The following CALN1 variants were observed in gnomAD, a reference collection of about 807,000 sequenced individuals.
The protein encoded by CALN1 is calneuron 1.
In CALN1, 17 loss-of-function variants were observed where a neutral mutation model predicts 30.6. The observed-to-expected ratio is 0.56, with a 90% CI of 0.38 to 0.83. The LOEUF (loss-of-function observed/expected upper bound fraction) is 0.83. Ranked by LOEUF, CALN1 falls within the 40% of genes least tolerant of loss-of-function variation. The pLI, the probability that CALN1 is intolerant of heterozygous loss-of-function variation, is 0.00. For synonymous variants in CALN1, 156 were observed against 131.4 expected, an observed-to-expected ratio of 1.19 and a Z score of -1.28; for missense variants, 291 against 354.9, an observed-to-expected ratio of 0.82 and a Z score of 1.45.
chr7:72,101,295 T>C (rs926618583), intron 4 of CALN1, among the ~76,000 whole-genome samples: 1 of 152,202 alleles, frequency 6.6e-6, no homozygotes, highest in Non-Finnish European at 1.5e-5. Flanking sequence ...CAAAGCCTTC[T>C]TAGTTCCAGA....
At chr7:71,946,699 C>T (rs530500675) in intron 5 of CALN1, among the ~76,000 whole-genome samples, 1 of 151,980 alleles carries the variant, frequency 6.6e-6, no homozygotes, top group Non-Finnish European at 1.5e-5. Context: ...CATTTTCCCA[C>T]ATCTGTCATG....
At chr7:71,939,537 C>A (rs1796015736) in intron 5 of CALN1, among the ~76,000 whole-genome samples, 1 of 150,382 alleles carries the variant, frequency 6.6e-6, no homozygotes, top group African/African-American at 2.4e-5. Context: ...CGTGCCATTG[C>A]ACTTCAGCCT....
chr7:72,333,032 CT>C (rs1484979910), intron 2 of CALN1, among the ~76,000 whole-genome samples: 1 of 152,180 alleles, frequency 6.6e-6, no homozygotes, highest in Non-Finnish European at 1.5e-5. Flanking sequence ...TCTTTTGTAC[CT>C]CCCTGTCTCA....
At chr7:72,421,341 G>A (rs1311226087) in intron 1 of CALN1, among the ~76,000 whole-genome samples, 2 of 152,012 alleles carry the variant, frequency 1.3e-5, no homozygotes, top group Non-Finnish European at 2.9e-5. Flanking sequence ...GCTTAGCTAT[G>A]AGTGAAATAA....
intron 5 of CALN1, among the ~76,000 whole-genome samples, chr7:71,826,137 C>T (rs1788902652): frequency 6.6e-6 from 1 of 151,660 alleles, no homozygotes; most frequent in Non-Finnish European, 1.5e-5. Context: ...CACATCTTGC[C>T]TCATTGGTAT....
intron 2 of CALN1, among the ~76,000 whole-genome samples, chr7:72,335,002 G>C (rs988641903): frequency 1.3e-5 from 2 of 152,130 alleles, no homozygotes; most frequent in African/African-American, 4.8e-5. Context: ...ACTGCCGGGG[G>C]AACTAGCAAA....
intron 3 of CALN1, among the ~76,000 whole-genome samples, chr7:72,215,804 T>C (rs1400662667): frequency 6.6e-6 from 1 of 152,108 alleles, no homozygotes; most frequent in Non-Finnish European, 1.5e-5. Context: ...TCACTCAGTG[T>C]TGAGCCACAG....
the CALN1 span, among the ~76,000 whole-genome samples, chr7:72,452,807 C>G: frequency 6.6e-6 from 1 of 152,024 alleles, no homozygotes; most frequent in Admixed American, 6.6e-5. Context: ...TCAAAATTGG[C>G]CTGTATGTAA....
intron 5 of CALN1, among the ~76,000 whole-genome samples, chr7:71,922,799 TATTA>T (rs1025328418): frequency 7.1e-6 from 1 of 140,606 alleles, no homozygotes; most frequent in South Asian, 2.1e-4. Context: ...AGACCGAATA[TATTA>T]TATATAAATA....
intron 6 of CALN1, among the ~76,000 whole-genome samples, chr7:71,790,951 T>C (rs1317222719): frequency 2.0e-5 from 3 of 152,110 alleles, no homozygotes; most frequent in African/African-American, 2.4e-5. Flanking sequence ...GAAGACTGCG[T>C]AGCAAAAGAA....
At chr7:72,300,458 C>A (rs1022591422) in intron 2 of CALN1, among the ~76,000 whole-genome samples, 1 of 151,470 alleles carries the variant, frequency 6.6e-6, no homozygotes, top group East Asian at 1.9e-4. Flanking sequence ...GTTAAAAATA[C>A]AGAAATCAAT....
intron 2 of CALN1, among the ~76,000 whole-genome samples, chr7:72,372,151 T>C (rs1268813625): frequency 4.6e-5 from 7 of 152,162 alleles, no homozygotes; most frequent in Admixed American, 1.3e-4. Flanking sequence ...AAATCCCCTA[T>C]GATTATTTCT....
chr7:71,951,863 G>A (rs1247304920), intron 5 of CALN1, among the ~76,000 whole-genome samples: 2 of 152,040 alleles, frequency 1.3e-5, no homozygotes, highest in Admixed American at 6.5e-5. Context: ...TCATGCAAGC[G>A]ACTTGCAGAA....
At chr7:71,830,302 C>T (rs547945675) in intron 5 of CALN1, among the ~76,000 whole-genome samples, 13 of 152,088 alleles carry the variant, frequency 8.5e-5, no homozygotes, top group African/African-American at 2.7e-4. Flanking sequence ...CTCGGCCTCC[C>T]AAAATGCTGG....
At chr7:72,117,466 T>G (rs190694097) in intron 3 of CALN1, among the ~76,000 whole-genome samples, 5 of 152,260 alleles carry the variant, frequency 3.3e-5, no homozygotes, top group African/African-American at 1.2e-4. Context: ...TGGTCTGCAT[T>G]TTAATCTTAA....
At chr7:72,226,506 C>A in intron 3 of CALN1, among the ~76,000 whole-genome samples, 1 of 152,160 alleles carries the variant, frequency 6.6e-6, no homozygotes, top group Non-Finnish European at 1.5e-5. Flanking sequence ...GACCCAGCTT[C>A]AACACCCCAC....
At chr7:72,350,322 T>A (rs10241386) in intron 2 of CALN1, among the ~76,000 whole-genome samples, 56,676 of 152,018 alleles carry the variant, frequency 0.37, 11,279 homozygotes, top group Admixed American at 0.45. Flanking sequence ...CATAAAGTCC[T>A]TTGCATACAT....
At chr7:72,185,363 T>G (rs1222466397) in intron 3 of CALN1, among the ~76,000 whole-genome samples, 1 of 151,876 alleles carries the variant, frequency 6.6e-6, no homozygotes, top group Non-Finnish European at 1.5e-5. Flanking sequence ...AACAAACAGG[T>G]AGGTGGAGAA....
intron 3 of CALN1, among the ~76,000 whole-genome samples, chr7:72,182,780 A>AC (rs1554309648): frequency 1.3e-5 from 2 of 148,492 alleles, no homozygotes; most frequent in African/African-American, 5.0e-5. Context: ...AAAAAAAAAA[A>AC]CAAACAAAAA....
Sources: allele counts gnomAD v4.1 joint callset (sites outside exome capture counted in the v4.1 genomes callset), GRCh38; gene constraint gnomAD v4.1.1; transcripts MANE v1.5; gene names NCBI Gene and HGNC (gene_info 2026-07-23, HGNC 2026-07-21).